The following GOLPH3 variants were observed in gnomAD, a reference collection of about 807,000 sequenced individuals.
GOLPH3 encodes coat protein GPP34.
Under a neutral mutation model 28.5 loss-of-function variants are expected in GOLPH3, and 14 were observed. The ratio of observed to expected loss-of-function variants is 0.49; its 90% CI spans 0.32 to 0.77. GOLPH3 has a LOEUF of 0.77. Among genes scored for constraint, GOLPH3 ranks in the 30% least tolerant of loss-of-function variants. GOLPH3 has a pLI of 0.03. For missense variants in GOLPH3, 350 were observed against 393.7 expected, an observed-to-expected ratio of 0.89 and a Z score of 0.94; for synonymous variants, 158 against 159.2, an observed-to-expected ratio of 0.99 and a Z score of 0.06.
At position 32,173,946 on chromosome 5, in the gene GOLPH3, C is replaced by A. The variant is rs1746914090; in HGVS notation, c.89G>T (p.Gly30Val). The A allele has an allele frequency of 1.4e-6, 2 of 1,466,048 alleles. No homozygotes were observed. The highest frequency in any genetic ancestry group is 1.8e-6 in the Non-Finnish European group (2 of 1,114,386). 90.8% of individuals were successfully genotyped at this position (1,466,048 alleles called of 1,614,324 possible). Reference sequence around the variant, plus strand: ...GTCCTCGCTGCTGCCGGCGCCGCCGCCCGCCGCCCGCTCCTTGTCGGCGGC... The same window carrying A: ...GTCCTCGCTGCTGCCGGCGCCGCCGACCGCCGCCCGCTCCTTGTCGGCGGC... ...RNAADKERAAGGGAGSSEDDA... is the reference protein window; with the variant it reads ...RNAADKERAAVGGAGSSEDDA... Residue 30 changes from glycine to valine, a missense_variant, in exon 1 of 4, where the codon GGC becomes GTC. Transcript: ENST00000265070.
chr5:32,144,844 A>G (rs1196106426), intron 1 of GOLPH3, among the ~76,000 whole-genome samples: 2 of 152,188 alleles, frequency 1.3e-5, no homozygotes, highest in Admixed American at 6.5e-5. Context: ...TTAACAGCAA[A>G]CAACTGGGGT....
intron 1 of GOLPH3, among the ~76,000 whole-genome samples, chr5:32,151,054 A>T (rs1347681411): frequency 6.6e-6 from 1 of 152,208 alleles, no homozygotes; most frequent in African/African-American, 2.4e-5. Context: ...AACCTTTATA[A>T]TCTGGGAGTG....
intron 1 of GOLPH3, among the ~76,000 whole-genome samples, chr5:32,162,788 T>G (rs1746615763): frequency 6.6e-6 from 1 of 151,876 alleles, no homozygotes; most frequent in South Asian, 2.1e-4. Context: ...AACACAAAAG[T>G]AGGCCCATGG....
intron 1 of GOLPH3, among the ~76,000 whole-genome samples, chr5:32,169,543 G>A (rs559212241): frequency 1.3e-5 from 2 of 152,108 alleles, no homozygotes; most frequent in Non-Finnish European, 2.9e-5. Context: ...CTTGGCCACT[G>A]AAAATAATTA....
At chr5:32,127,272 C>A (rs954124748) in intron 3 of GOLPH3, among the ~76,000 whole-genome samples, 1 of 152,188 alleles carries the variant, frequency 6.6e-6, no homozygotes, top group Non-Finnish European at 1.5e-5. Context: ...AGGAAATACA[C>A]CAAAATATTA....
chr5:32,130,712 C>G (rs562867278), intron 3 of GOLPH3, among the ~76,000 whole-genome samples: 2 of 152,258 alleles, frequency 1.3e-5, no homozygotes, highest in East Asian at 3.9e-4. Flanking sequence ...AAAAAACACC[C>G]CCTCCCCTAT....
chr5:32,162,837 G>C (rs946409350), intron 1 of GOLPH3, among the ~76,000 whole-genome samples: 1 of 152,204 alleles, frequency 6.6e-6, no homozygotes, highest in African/African-American at 2.4e-5. Flanking sequence ...CCAGCACTTT[G>C]GGAGGCAGAG....
chr5:32,147,822 T>A (rs1746211648), intron 1 of GOLPH3, among the ~76,000 whole-genome samples: 1 of 152,062 alleles, frequency 6.6e-6, no homozygotes, highest in African/African-American at 2.4e-5. Context: ...TGTGAAGTAG[T>A]AAAGAACTGT....
intron 1 of GOLPH3, among the ~76,000 whole-genome samples, chr5:32,146,504 G>C (rs157503): frequency 0.54 from 82,223 of 151,764 alleles, 23,590 homozygotes; most frequent in Non-Finnish European, 0.63. Flanking sequence ...GGTAGAAAAG[G>C]GTATTGTTTA....
At position 32,163,528 on chromosome 5, in the gene GOLPH3, C is replaced by A. The variant is rs181936085; in HGVS notation, c.225+10282G>T. 1.4e-4 allele frequency among the ~76,000 whole-genome samples: 22 copies of A among 152,230 alleles called. No individual in the cohort carries two copies. The East Asian group carries it at 4.2e-3, about 29-fold the overall frequency. ...AATTAGCTGGGCATGGTGGCATGTG[C>A]CTGTAATCCCAGCTACTTGGGAGGC... On this transcript the variant is annotated intron_variant, in intron 1 of 3. Coordinates refer to ENST00000265070, the MANE Select transcript of GOLPH3 (RefSeq NM_022130.4).
intron 2 of GOLPH3, among the ~76,000 whole-genome samples, chr5:32,139,778 G>A (rs1245676532): frequency 2.0e-5 from 3 of 152,116 alleles, no homozygotes; most frequent in Non-Finnish European, 4.4e-5. Context: ...AGATCAAAAA[G>A]AGAAAATAAG....
chr5:32,161,844 G>A (rs1032407450), intron 1 of GOLPH3, among the ~76,000 whole-genome samples: 2 of 150,596 alleles, frequency 1.3e-5, no homozygotes, highest in East Asian at 3.9e-4. Context: ...TGGCTAACAC[G>A]GTGAGACCCC....
rs543885323 is a variant in GOLPH3 at position 32,173,385 on chromosome 5, T to C, written c.225+425A>G. On this transcript the variant is annotated intron_variant, in intron 1 of 3. Coordinates refer to ENST00000265070, the MANE Select transcript of GOLPH3 (RefSeq NM_022130.4). The stretch of plus-strand genomic sequence containing the variant: ...CCCAGCAAGCAGATCCGGGCACCCC[T>C]CCCAGGTCCTAAAGCCTGCAAAAAC... 4.2e-4 allele frequency among the ~76,000 whole-genome samples: 64 copies of C among 151,062 alleles called. 1 individual carries two copies. The highest frequency in any genetic ancestry group is 2.2e-3 in the Admixed American group (34 of 15,184).
intron 1 of GOLPH3, among the ~76,000 whole-genome samples, chr5:32,158,132 T>TACACACACAC (rs70961610): frequency 1.2e-4 from 4 of 33,684 alleles, no homozygotes; most frequent in African/African-American, 2.4e-4. Context: ...ATAAATAAAA[T>TACACACACAC]ACACACACAC....
intron 1 of GOLPH3, among the ~76,000 whole-genome samples, chr5:32,159,283 T>C (rs531925443): frequency 6.6e-6 from 1 of 152,366 alleles, no homozygotes; most frequent in Admixed American, 6.5e-5. Context: ...TAAGTCTAAA[T>C]ACAAAATTCA....
At chr5:32,165,138 A>G (rs1199067319) in intron 1 of GOLPH3, among the ~76,000 whole-genome samples, 2 of 151,858 alleles carry the variant, frequency 1.3e-5, no homozygotes, top group Non-Finnish European at 1.5e-5. Flanking sequence ...TGCCTCAGGT[A>G]ATCCCCTTGC....
intron 1 of GOLPH3, among the ~76,000 whole-genome samples, chr5:32,157,925 C>T (rs1319284905): frequency 6.6e-6 from 1 of 150,846 alleles, no homozygotes; most frequent in East Asian, 1.9e-4. Flanking sequence ...TGCAGTGAGC[C>T]GAGATCACGC....
intron 1 of GOLPH3, among the ~76,000 whole-genome samples, chr5:32,151,013 C>T (rs367556): frequency 0.71 from 108,589 of 152,038 alleles, 39,155 homozygotes; most frequent in African/African-American, 0.82. Flanking sequence ...AGTGAAATAA[C>T]GTAAGTACTA....
rs745351731 is a variant in GOLPH3 at position 32,126,188 on chromosome 5, G to C, written c.*24C>G. On this transcript the variant is annotated 3_prime_UTR_variant, in exon 4 of 4. Coordinates refer to ENST00000265070, the MANE Select transcript of GOLPH3 (RefSeq NM_022130.4). ...AACTACTGGTTTACTTGAGAGAAAG[G>C]AGAATGGTTCACCCCGAGCAGAGTT... The C allele has an allele frequency of 6.3e-7, 1 of 1,584,706 alleles. No individual in the cohort carries two copies. Among genetic ancestry groups the C allele is most frequent in the South Asian group, 1.1e-5 (1 of 87,720 alleles).
Sources: gnomAD v4.1 joint callset for allele counts (sites outside exome capture counted in the v4.1 genomes callset) on GRCh38, gnomAD v4.1.1 for gene constraint, MANE v1.5 for transcripts, NCBI Gene and HGNC (gene_info 2026-07-23, HGNC 2026-07-21) for gene names.